Variants in LARGE1 observed in about 807,000 individuals in gnomAD.
LARGE1 encodes the protein xylosyl- and glucuronyltransferase LARGE1.
LARGE1 carries 43 observed loss-of-function variants against 87.6 expected under a neutral mutation model. The ratio of observed to expected loss-of-function variants is 0.49; its 90% CI spans 0.38 to 0.63. LARGE1 has a LOEUF of 0.63. LARGE1 is among the 30% of genes least tolerant of loss of function. The pLI is 0.00. For synonymous variants in LARGE1, 434 were observed against 394.6 expected (o/e 1.10, Z -1.18); for missense variants, 802 against 1,000.2 (o/e 0.80, Z 2.67).
intron 11 of LARGE1, among the ~76,000 whole-genome samples, chr22:33,206,316 C>T (rs1327275715): frequency 2.0e-5 from 3 of 151,700 alleles, no homozygotes; most frequent in Middle Eastern, 3.2e-3. Context: ...GGTCTCGAAC[C>T]CCTGACCTCA....
chr22:33,308,024 C>T (rs1329039346), intron 11 of LARGE1, among the ~76,000 whole-genome samples: 1 of 152,110 alleles, frequency 6.6e-6, no homozygotes, highest in South Asian at 2.1e-4. Flanking sequence ...ACTACCCCAT[C>T]GAGCCCACCA....
the LARGE1 span, among the ~76,000 whole-genome samples, chr22:33,070,144 T>C: frequency 6.6e-6 from 1 of 152,242 alleles, no homozygotes; most frequent in Admixed American, 6.5e-5. Flanking sequence ...CTTAATAATG[T>C]CTGTTTATTT....
chr22:33,364,449 G>C (rs1054610341), intron 9 of LARGE1, among the ~76,000 whole-genome samples: 4 of 152,054 alleles, frequency 2.6e-5, no homozygotes, highest in South Asian at 2.1e-4. Context: ...TGTTTTTTAT[G>C]TTCTTCCCTT....
At position 33,241,184 on chromosome 22, in the gene LARGE1, G is replaced by A. The variant is rs527371996; in HGVS notation, c.1730+63045C>T. Among the ~76,000 whole-genome samples the A allele has an allele frequency of 1.6e-4, 24 of 152,054 alleles. No individual in the cohort carries two copies. The South Asian group carries it at 4.8e-3, about 30-fold the overall frequency. ...ATTTTGTACTCCTGCTTCAGCTATA[G>A]GGAGCTACTGTTAGTTTCTTGAAGA... On this transcript the variant is annotated intron_variant, in intron 11 of 11. Coordinates refer to the LARGE1 transcript ENST00000608642.
the LARGE1 span, among the ~76,000 whole-genome samples, chr22:33,111,483 G>GC: frequency 6.6e-6 from 1 of 152,168 alleles, no homozygotes; most frequent in Non-Finnish European, 1.5e-5. Flanking sequence ...TGCAGCTGGA[G>GC]CCCAACTCCT....
intron 2 of LARGE1, among the ~76,000 whole-genome samples, chr22:33,722,404 ATTAC>A (rs1488414536): frequency 6.6e-6 from 1 of 151,630 alleles, no homozygotes; most frequent in African/African-American, 2.4e-5. Context: ...AAGGGAGGGA[ATTAC>A]TTTGTCAATT....
At chr22:33,285,025 C>T (rs568644696) in intron 12 of LARGE1, among the ~76,000 whole-genome samples, 3 of 152,300 alleles carry the variant, frequency 2.0e-5, no homozygotes, top group South Asian at 2.1e-4. Context: ...TCCTGTGGAC[C>T]GAACAAGGTC....
chr22:33,706,230 C>T (rs1190447073), intron 2 of LARGE1, among the ~76,000 whole-genome samples: 1 of 152,204 alleles, frequency 6.6e-6, no homozygotes, highest in Non-Finnish European at 1.5e-5. Flanking sequence ...ATGTCTTTCT[C>T]TTCTGGGAGC....
At chr22:33,089,816 A>G in the LARGE1 span, among the ~76,000 whole-genome samples, 1 of 152,188 alleles carries the variant, frequency 6.6e-6, no homozygotes, top group East Asian at 1.9e-4. Flanking sequence ...TTCTTTATGT[A>G]GCCTTACAGA....
intron 5 of LARGE1, among the ~76,000 whole-genome samples, chr22:33,569,527 G>A (rs1405244568): frequency 2.0e-5 from 3 of 152,230 alleles, no homozygotes; most frequent in Admixed American, 1.3e-4. Flanking sequence ...AAAGCCCCAG[G>A]AAAAGGTGGA....
At chr22:33,210,386 A>G (rs1038065921) in intron 11 of LARGE1, among the ~76,000 whole-genome samples, 16 of 152,246 alleles carry the variant, frequency 1.1e-4, no homozygotes, top group African/African-American at 3.9e-4. Flanking sequence ...AAATGGCAAG[A>G]GAACGACACC....
chr22:33,383,502 G>T (rs1305262085), intron 8 of LARGE1, among the ~76,000 whole-genome samples: 1 of 152,104 alleles, frequency 6.6e-6, no homozygotes, highest in Admixed American at 6.6e-5. Context: ...GGAGGTTGCC[G>T]TGAGCCGAGA....
intron 1 of LARGE1, among the ~76,000 whole-genome samples, chr22:33,915,042 C>CAGAGAGAGAGAG (rs57289711): frequency 7.3e-6 from 1 of 137,032 alleles, no homozygotes; most frequent in African/African-American, 2.8e-5. Flanking sequence ...CACACACACA[C>CAGAGAGAGAGAG]AGAGAGAGAG....
At position 33,849,962 on chromosome 22, in the gene LARGE1, G is replaced by A. The variant is rs539631133; in HGVS notation, c.-83+70033C>T. ...CAGTTGTTATCCCAATTTTCCATAC[G>A]AGGAAATACAAAGGGATGGAGAGAT... On this transcript the variant is annotated intron_variant, in intron 1 of 14. Coordinates refer to ENST00000397394, the MANE Select transcript of LARGE1 (RefSeq NM_133642.5). Among the ~76,000 whole-genome samples the A allele has an allele frequency of 2.3e-4, 35 of 152,228 alleles. No homozygotes were observed. In the South Asian group the frequency reaches 3.7e-3, roughly 16 times the overall value.
intron 1 of LARGE1, among the ~76,000 whole-genome samples, chr22:33,788,817 G>T (rs1217791034): frequency 6.6e-6 from 1 of 152,180 alleles, no homozygotes; most frequent in African/African-American, 2.4e-5. Flanking sequence ...TTCAAGAGGT[G>T]ACTTGGGTGC....
chr22:33,385,719 C>T lies in LARGE1; in HGVS notation c.893-1415G>A, dbSNP rs930647728. Among the ~76,000 whole-genome samples the T allele has an allele frequency of 1.6e-4, 24 of 147,812 alleles. 1 individual carries two copies. Among genetic ancestry groups the T allele is most frequent in the Non-Finnish European group, 2.0e-4 (13 of 66,166 alleles). On this transcript the variant is annotated intron_variant, in intron 7 of 14. Coordinates refer to ENST00000397394, the MANE Select transcript of LARGE1 (RefSeq NM_133642.5). ...GCCCTGAGCACGGAACACAAAAAGC[C>T]GAGAGAATTTCCCTGCAGGCCACTG...
chr22:33,526,842 AG>A (rs1181626254), intron 6 of LARGE1, among the ~76,000 whole-genome samples: 8 of 152,246 alleles, frequency 5.3e-5, no homozygotes, highest in Admixed American at 5.2e-4. Flanking sequence ...ACACAAGGCA[AG>A]GGGTTGTGAA....
chr22:33,784,812 T>C (rs2085545964), intron 1 of LARGE1, among the ~76,000 whole-genome samples: 1 of 151,782 alleles, frequency 6.6e-6, no homozygotes, highest in Admixed American at 6.6e-5. Context: ...CACATACACA[T>C]ATGTATATAC....
At chr22:33,497,158 C>A (rs2070177509) in intron 6 of LARGE1, among the ~76,000 whole-genome samples, 1 of 151,778 alleles carries the variant, frequency 6.6e-6, no homozygotes, top group African/African-American at 2.4e-5. Flanking sequence ...TCACTGCAAC[C>A]TCTGACTCCC....
Sources: gnomAD v4.1 joint callset for allele counts (sites outside exome capture counted in the v4.1 genomes callset) on GRCh38, gnomAD v4.1.1 for gene constraint, MANE v1.5 for transcripts, NCBI Gene and HGNC (gene_info 2026-07-23, HGNC 2026-07-21) for gene names.